The following SLC6A9 variants were observed in gnomAD, a reference collection of about 807,000 sequenced individuals.
SLC6A9 encodes the protein solute carrier family 6 member 9.
A neutral mutation model predicts 70.9 loss-of-function variants in SLC6A9; 31 were observed. The observed-to-expected ratio is 0.44, with a 90% CI of 0.33 to 0.59. The LOEUF is 0.59. Ranked by LOEUF, SLC6A9 falls within the 20% of genes least tolerant of loss-of-function variation. The pLI is 0.04. For missense variants in SLC6A9, 631 were observed against 845.2 expected, an observed-to-expected ratio of 0.75 and a Z score of 3.14; for synonymous variants, 310 against 341.3, an observed-to-expected ratio of 0.91 and a Z score of 1.01.
chr1:43,996,997 G>A lies in SLC6A9; in HGVS notation c.*548C>T, dbSNP rs1288693445. On this transcript the variant is annotated 3_prime_UTR_variant, in exon 14 of 14. Transcript: ENST00000372310. ...GAAGACAGACTGAACCCGAGGCTGGGGGCGAGGAGGTGGCGACCACAGAGA... is the reference window on the plus strand; with the variant it reads ...GAAGACAGACTGAACCCGAGGCTGGAGGCGAGGAGGTGGCGACCACAGAGA... 8.1e-6 allele frequency: 1 copy of A among 123,708 alleles called. No homozygotes were observed. Among genetic ancestry groups the A allele is most frequent in the East Asian group, 2.4e-4 (1 of 4,212 alleles). The allele number at this position is 123,708 out of a possible 1,614,324, so 7.7% of individuals were successfully genotyped here.
intron 4 of SLC6A9, 68 bp downstream of exon 4, chr1:44,009,897 T>G: frequency 6.4e-7 from 1 of 1,563,964 alleles, no homozygotes; most frequent in Non-Finnish European, 8.7e-7. Flanking sequence ...GATGGGCGAG[T>G]TGGCACGGCC....
intron 5 of SLC6A9, among the ~76,000 whole-genome samples, chr1:44,004,237 C>T (rs1027200211): frequency 3.3e-5 from 5 of 152,122 alleles, no homozygotes; most frequent in Non-Finnish European, 7.3e-5. Flanking sequence ...CTCAGGTGAC[C>T]CACCTGCCTC....
At chr1:44,006,602 A>AG (rs1335383166) in intron 5 of SLC6A9, among the ~76,000 whole-genome samples, 1 of 151,590 alleles carries the variant, frequency 6.6e-6, no homozygotes, top group Non-Finnish European at 1.5e-5. Context: ...AAAAAAAAAA[A>AG]AAAAAAAAGA....
At chr1:44,022,826 C>G (rs995807755) in intron 2 of SLC6A9, among the ~76,000 whole-genome samples, 1 of 150,202 alleles carries the variant, frequency 6.7e-6, no homozygotes, top group Admixed American at 6.7e-5. Context: ...GTGCCACAGC[C>G]TCCCAAGTAG....
intron 2 of SLC6A9, among the ~76,000 whole-genome samples, chr1:44,022,200 T>C (rs2086896376): frequency 6.6e-6 from 1 of 152,234 alleles, no homozygotes; most frequent in South Asian, 2.1e-4. Context: ...TCTGGGACAC[T>C]GGGAGCCATG....
At chr1:44,006,849 G>A (rs2086337637) in intron 5 of SLC6A9, among the ~76,000 whole-genome samples, 1 of 152,198 alleles carries the variant, frequency 6.6e-6, no homozygotes, top group Admixed American at 6.5e-5. Flanking sequence ...GGTTGGCACA[G>A]GGAAGCTGAG....
chr1:44,021,775 CT>C (rs2086888923), intron 2 of SLC6A9, among the ~76,000 whole-genome samples: 1 of 152,240 alleles, frequency 6.6e-6, no homozygotes, highest in Non-Finnish European at 1.5e-5. Flanking sequence ...CACAAATGTG[CT>C]GACTGGGCTG....
chr1:44,017,625 G>A (rs1461348509), intron 2 of SLC6A9, among the ~76,000 whole-genome samples: 3 of 152,194 alleles, frequency 2.0e-5, no homozygotes, highest in Non-Finnish European at 2.9e-5. Flanking sequence ...CAGGCTCCAC[G>A]GAGGGGTGCG....
chr1:43,999,083 C>T (rs2085993111), intron 12 of SLC6A9, among the ~76,000 whole-genome samples: 1 of 151,918 alleles, frequency 6.6e-6, no homozygotes, highest in South Asian at 2.1e-4. Context: ...AATTGGGGGA[C>T]CCTCCGGAGA....
chr1:44,007,282 C>A (rs918871647), intron 5 of SLC6A9, among the ~76,000 whole-genome samples: 2 of 152,246 alleles, frequency 1.3e-5, no homozygotes, highest in African/African-American at 4.8e-5. Flanking sequence ...TGTCTCCCCA[C>A]TGCCCTGTGA....
rs2086646271 is a variant in SLC6A9 at position 44,013,598 on chromosome 1, G to A, written c.31-2716C>T. Among the ~76,000 whole-genome samples, 1 of 152,166 alleles carries A rather than the reference G, an allele frequency of 6.6e-6. No individual in the cohort carries two copies. The highest frequency in any genetic ancestry group is 1.5e-5 in the Non-Finnish European group (1 of 68,028). ...AGAAGCAGCACCCACTTCTGCTTGG[G>A]CCTGGGTCCCAGCACTGTGGCGCTC... On this transcript the variant is annotated intron_variant, in intron 2 of 13. Coordinates refer to ENST00000372310, the MANE Select transcript of SLC6A9 (RefSeq NM_001024845.3). The surrounding 1 kb of genome is among the most constrained non-coding windows in gnomAD (Gnocchi z 5.3).
Position 43,997,854 on chromosome 1 carries a change from C to T in SLC6A9, c.1707+1G>A, listed in dbSNP as rs752384938. 6.2e-7 allele frequency: 1 copy of T among 1,606,456 alleles called. No homozygotes were observed. The highest frequency in any genetic ancestry group is 1.3e-5 in the African/African-American group (1 of 74,774). ...GCTACCCAGCCTGTCCCTGCCCTCACCTGGAGGAGGGTGTCCCCGTCTGTG... is the reference window on the plus strand; with the variant it reads ...GCTACCCAGCCTGTCCCTGCCCTCATCTGGAGGAGGGTGTCCCCGTCTGTG... On this transcript the variant is annotated splice_donor_variant, in intron 13 of 13. Coordinates refer to ENST00000372310, the MANE Select transcript of SLC6A9 (RefSeq NM_001024845.3). LOFTEE classifies it high-confidence loss of function. This position sits in a 1 kb window ranked among gnomAD's most constrained non-coding sequence, Gnocchi z 4.4.
chr1:44,011,428 G>T, intron 2 of SLC6A9: 1 of 757,402 alleles, frequency 1.3e-6, no homozygotes, highest in Non-Finnish European at 2.2e-6. Flanking sequence ...CACAGAGTGG[G>T]CAGGGCTGGG....
Position 44,024,175 on chromosome 1 carries a change from G to A in SLC6A9, c.30+73C>T. The A allele has an allele frequency of 4.0e-6, 6 of 1,490,892 alleles. No individual in the cohort carries two copies. In the Admixed American group the frequency reaches 6.7e-5, roughly 17 times the overall value. The allele number at this position is 1,490,892 out of a possible 1,614,324, so 92.4% of individuals were successfully genotyped here. A position where few individuals can be genotyped will look rare whatever the true frequency, so the allele number is the denominator to read the frequency against. On this transcript the variant is annotated intron_variant, in intron 2 of 13. Coordinates refer to ENST00000372310, the MANE Select transcript of SLC6A9 (RefSeq NM_001024845.3). ...GTGCCGGCCTTCCTAAGCCTTCCAA[G>A]CAGCTGGCAGGAGGTCCTGGGGGCA...
At chr1:44,010,462 G>GGGGC (rs1553162565) in intron 3 of SLC6A9, 2 of 229,566 alleles carry the variant, frequency 8.7e-6, no homozygotes, top group South Asian at 1.5e-4. Context: ...TGGGCGGGGG[G>GGGGC]GGGGGGGGGT....
intron 1 of SLC6A9, among the ~76,000 whole-genome samples, chr1:44,030,286 G>A (rs1024794463): frequency 3.9e-5 from 6 of 152,154 alleles, no homozygotes; most frequent in African/African-American, 1.4e-4. Context: ...GTGGGCCTAA[G>A]CTGGCGTGGA....
rs199698561 is a variant in SLC6A9, at chr1:44,002,539, C to T, written c.831G>A (p.Pro277=). The T allele has an allele frequency of 2.2e-5, 36 of 1,613,984 alleles. No individual in the cohort carries two copies. Among genetic ancestry groups the T allele is most frequent in the South Asian group, 4.4e-5 (4 of 91,082 alleles). The change falls in exon 7 of 14, where the codon CCG becomes CCA. Residue 277 remains proline, a synonymous_variant. Transcript: ENST00000372310. This position sits in a 1 kb window ranked among gnomAD's most constrained non-coding sequence, Gnocchi z 5.5. ...TGGCCTCCAGGATCTTGTCCCACTG[C>T]GGGGTTAGGTAGTACATGATGCCGT... is the stretch of plus-strand genomic sequence containing the variant. ...AFDGIMYYLT[P]QWDKILEAKV...
In SLC6A9 at chr1:44,016,823, C is replaced by A. The variant is rs117178740; in HGVS notation, c.31-5941G>T. Among the ~76,000 whole-genome samples, 486 of 152,142 alleles carry A rather than the reference C, an allele frequency of 3.2e-3. 16 individuals carry two copies. The South Asian group carries it at 0.068, about 21-fold the overall frequency. On this transcript the variant is annotated intron_variant, in intron 2 of 13. Transcript: ENST00000372310. ...TCCTTGGGCTGGGGGAGCCCTCACA[C>A]CCCCACTCTCCTCCCCCTCACCCCC...
In SLC6A9 at chr1:44,002,442, G is replaced by C. The variant is rs773561637; in HGVS notation, c.859-26C>G. 1 of 1,613,308 alleles carries C rather than the reference G, an allele frequency of 6.2e-7. No individual in the cohort carries two copies. The highest frequency in any genetic ancestry group is 8.5e-7 in the Non-Finnish European group (1 of 1,179,300). ...CTGCAGGGAAGGACCGGTGGGTGAG[G>C]AGCTGTGGGCAGAGGCAGGCACCTC... On this transcript the variant is annotated intron_variant, in intron 7 of 13. Coordinates refer to ENST00000372310, the MANE Select transcript of SLC6A9 (RefSeq NM_001024845.3). This position sits in a 1 kb window ranked among gnomAD's most constrained non-coding sequence, Gnocchi z 5.5.
Sources: gnomAD v4.1 joint callset for allele counts (sites outside exome capture counted in the v4.1 genomes callset) on GRCh38, gnomAD v4.1.1 for gene constraint, Gnocchi (gnomAD v3.1) non-coding constraint, MANE v1.5 for transcripts, NCBI Gene and HGNC (gene_info 2026-07-23, HGNC 2026-07-21) for gene names.